Variants in LBP observed in about 807,000 individuals in gnomAD.
LBP encodes lipopolysaccharide binding protein.
Under a neutral mutation model 56.6 loss-of-function variants are expected in LBP, and 53 were observed. The observed-to-expected ratio is 0.94, with a 90% CI of 0.75 to 1.18. The LOEUF is 1.18. LBP is among the 50% of genes most tolerant of loss of function. LBP has a pLI of 0.00. For missense variants in LBP, 601 were observed against 598.3 expected, an observed-to-expected ratio of 1.00 and a Z score of -0.05; for synonymous variants, 227 against 247.5, an observed-to-expected ratio of 0.92 and a Z score of 0.78.
rs374356852 is a variant in LBP, at chr20:38,373,883, C to T, written c.1325-54C>T. 1.9e-4 allele frequency: 284 copies of T among 1,496,982 alleles called. No homozygotes were observed. The African/African-American group carries it at 3.4e-3, about 18-fold the overall frequency. 92.7% of individuals were successfully genotyped at this position (1,496,982 alleles called of 1,614,324 possible). Reference sequence around the variant, plus strand: ...GAGAACATTTTCGGTAAAAATCTGTCTCTAATTATTATTTATTCACCAATC... The same window carrying T: ...GAGAACATTTTCGGTAAAAATCTGTTTCTAATTATTATTTATTCACCAATC... On this transcript the variant is annotated intron_variant, in intron 13 of 14. Transcript: ENST00000217407.
intron 12 of LBP, 35 bp from the exon 13 acceptor site, chr20:38,373,037 G>A (rs1442160672): frequency 6.3e-7 from 1 of 1,592,848 alleles, no homozygotes. Context: ...GTGGCCCTGT[G>A]GCGATGTAAA....
At position 38,352,742 on chromosome 20, in the gene LBP, G is replaced by A. The variant is rs149255417; in HGVS notation, c.369-1542G>A. ...TGCACTCCAGTCTGGGCAAGAGAGT[G>A]AGACCCTATCTCAAAATAATTAATT... is the stretch of plus-strand genomic sequence containing the variant. On this transcript the variant is annotated intron_variant, in intron 3 of 14. Transcript: ENST00000217407. Among the ~76,000 whole-genome samples the A allele has an allele frequency of 4.0e-3, 610 of 152,120 alleles. 5 individuals are homozygous for A. The highest frequency in any genetic ancestry group is 0.014 in the African/African-American group (579 of 41,488).
chr20:38,351,429 G>A (rs11536945), intron 3 of LBP, among the ~76,000 whole-genome samples: 28,553 of 151,884 alleles, frequency 0.19, 3,417 homozygotes, highest in East Asian at 0.3. Flanking sequence ...CTGTCACCCC[G>A]TCCTCCTGCT....
chr20:38,366,757 T>C lies in LBP; in HGVS notation c.922-12T>C, dbSNP rs2076883517. On this transcript the variant is annotated splice_polypyrimidine_tract_variant and intron_variant, in intron 8 of 14. Transcript: ENST00000217407. ...GAGCACCCTAAAACTTCTTCATGTC[T>C]CTTTGCTGCAGATACCGCCTGACTC... 1 of 1,613,804 alleles carries C rather than the reference T, an allele frequency of 6.2e-7. No individual in the cohort carries two copies. The highest frequency in any genetic ancestry group is 1.3e-5 in the African/African-American group (1 of 74,928).
chr20:38,367,290 C>G (rs2076885668), intron 9 of LBP, among the ~76,000 whole-genome samples: 1 of 151,788 alleles, frequency 6.6e-6, no homozygotes, highest in Non-Finnish European at 1.5e-5. Flanking sequence ...CCCATCTCTA[C>G]AAAAAATACA....
chr20:38,366,846 T>TC lies in LBP; in HGVS notation c.981+22dup. ...TCCCACGGGTAAGGAGTCCCTTAGTTCCCCATGAGTGCAGACCGAGCCTAC... is the reference window on the plus strand; with the variant it reads ...TCCCACGGGTAAGGAGTCCCTTAGTTCCCCCATGAGTGCAGACCGAGCCTAC... On this transcript the variant is annotated intron_variant, in intron 9 of 14. Coordinates refer to ENST00000217407, the MANE Select transcript of LBP (RefSeq NM_004139.5). 6.2e-7 allele frequency: 1 copy of TC among 1,610,034 alleles called. No individual in the cohort carries two copies. Among genetic ancestry groups the TC allele is most frequent in the South Asian group, 1.1e-5 (1 of 90,990 alleles).
At chr20:38,367,177 G>A (rs944502770) in intron 9 of LBP, among the ~76,000 whole-genome samples, 3 of 152,166 alleles carry the variant, frequency 2.0e-5, no homozygotes, top group African/African-American at 7.2e-5. Context: ...TTTTTGGCCA[G>A]GCATGGTGGC....
At chr20:38,354,528 T>G (rs2076832003) in intron 4 of LBP, 89 bp downstream of exon 4, 1 of 1,248,574 alleles carries the variant, frequency 8.0e-7, no homozygotes, top group Non-Finnish European at 1.1e-6. Flanking sequence ...ATAATTGCAA[T>G]GATCCAGGTG....
At chr20:38,367,908 A>G (rs1428930820) in intron 9 of LBP, among the ~76,000 whole-genome samples, 1 of 152,112 alleles carries the variant, frequency 6.6e-6, no homozygotes, top group Non-Finnish European at 1.5e-5. Flanking sequence ...GGTGGAATCT[A>G]GGGCTGGTCG....
chr20:38,358,067 C>T (rs1418383054), intron 5 of LBP, among the ~76,000 whole-genome samples: 1 of 152,176 alleles, frequency 6.6e-6, no homozygotes, highest in Non-Finnish European at 1.5e-5. Context: ...TGCTGACCTC[C>T]TAGCTCATCT....
At chr20:38,364,854 T>C (rs1445700120) in intron 8 of LBP, 102 bp downstream of exon 8, 101 of 1,069,462 alleles carry the variant, frequency 9.4e-5, no homozygotes, top group Non-Finnish European at 1.1e-4. Context: ...TAGTGAGTTA[T>C]AGCTAAGAGA....
Position 38,350,830 on chromosome 20 carries a change from G to A in LBP, c.259G>A (p.Glu87Lys). The A allele has an allele frequency of 1.2e-6, 2 of 1,610,192 alleles. No individual in the cohort carries two copies. Among genetic ancestry groups the A allele is most frequent in the African/African-American group, 1.3e-5 (1 of 74,980 alleles). The stretch of plus-strand genomic sequence containing the variant: ...CTTCAGCCTGAACATCCACAGCTGT[G>A]AGCTGCTTCACTCTGCGCTGAGGCC... Reference protein sequence around the residue: ...EFHSLNIHSCELLHSALRPVP... With the variant: ...EFHSLNIHSCKLLHSALRPVP... The change falls in exon 3 of 15, where the codon GAG becomes AAG. Residue 87 changes from glutamate (E) to lysine (K), a missense_variant. By Grantham distance (56) the Glu-to-Lys change is moderately conservative (BLOSUM62 1). Coordinates refer to ENST00000217407, the MANE Select transcript of LBP (RefSeq NM_004139.5).
At chr20:38,374,493 A>C (rs2076911251) in intron 14 of LBP, among the ~76,000 whole-genome samples, 1 of 151,020 alleles carries the variant, frequency 6.6e-6, no homozygotes, top group Non-Finnish European at 1.5e-5. Flanking sequence ...GCTACTCAGG[A>C]GGCTGAGGCA....
chr20:38,376,570 TC>T, intron 14 of LBP, 54 bp from the exon 15 acceptor site: 1 of 1,527,450 alleles, frequency 6.5e-7, no homozygotes, highest in South Asian at 1.1e-5. Context: ...CGCAGATGCA[TC>T]TTTTTGGAGT....
chr20:38,365,535 A>G (rs1486921304), intron 8 of LBP, among the ~76,000 whole-genome samples: 1 of 151,522 alleles, frequency 6.6e-6, no homozygotes, highest in Non-Finnish European at 1.5e-5. Context: ...CATCTCTACT[A>G]AAAATACAAA....
chr20:38,370,527 C>T (rs1476391669), intron 10 of LBP, among the ~76,000 whole-genome samples: 1 of 152,076 alleles, frequency 6.6e-6, no homozygotes, highest in African/African-American at 2.4e-5. Context: ...ACATAAACAA[C>T]AATTTCAAGT....
chr20:38,370,902 T>G, intron 11 of LBP, 97 bp downstream of exon 11: 3 of 1,010,194 alleles, frequency 3.0e-6, no homozygotes, highest in Non-Finnish European at 4.7e-6. Flanking sequence ...GGGCCACCAT[T>G]TGGAAAGGAC....
intron 6 of LBP, among the ~76,000 whole-genome samples, chr20:38,361,674 G>A (rs2076860585): frequency 6.6e-6 from 1 of 151,978 alleles, no homozygotes; most frequent in Admixed American, 6.6e-5. Flanking sequence ...CAAAGTACTG[G>A]GATGACAGGC....
chr20:38,373,805 C>A (rs1391735519), intron 13 of LBP, 132 bp from the exon 14 acceptor site: 2 of 763,850 alleles, frequency 2.6e-6, no homozygotes, highest in Non-Finnish European at 4.4e-6. Context: ...ATCACACCTA[C>A]CTCATAGTCT....
Sources: allele counts gnomAD v4.1 joint callset (sites outside exome capture counted in the v4.1 genomes callset), GRCh38; gene constraint gnomAD v4.1.1; transcripts MANE v1.5; gene names NCBI Gene and HGNC (gene_info 2026-07-23, HGNC 2026-07-21).